Variants in FBXL7 observed in about 807,000 individuals in gnomAD.
The protein encoded by FBXL7 is F-box and leucine rich repeat protein 7.
A neutral mutation model predicts 38.3 loss-of-function variants in FBXL7; 12 were observed. The observed-to-expected ratio is 0.31, with a 90% confidence interval of 0.20 to 0.51. FBXL7 has a LOEUF of 0.51. Ranked by LOEUF, FBXL7 falls within the 20% of genes least tolerant of loss-of-function variation. FBXL7 has a pLI of 0.98. For missense variants in FBXL7, 567 were observed against 676.4 expected, an observed-to-expected ratio of 0.84 and a Z score of 1.79; for synonymous variants, 297 against 300.9, an observed-to-expected ratio of 0.99 and a Z score of 0.13.
chr5:15,784,116 A>C (rs1737072945), intron 2 of FBXL7, among the ~76,000 whole-genome samples: 1 of 152,106 alleles, frequency 6.6e-6, no homozygotes, highest in African/African-American at 2.4e-5. Context: ...AGTAGTTATT[A>C]CCATTGCTTT....
intron 2 of FBXL7, among the ~76,000 whole-genome samples, chr5:15,689,406 G>C (rs1743116566): frequency 6.6e-6 from 1 of 151,788 alleles, no homozygotes; most frequent in Non-Finnish European, 1.5e-5. Flanking sequence ...CAGGTTCACT[G>C]TCTCTTAAGT....
chr5:15,622,941 G>GTGATCCCAGCA (rs1740701956), intron 2 of FBXL7, among the ~76,000 whole-genome samples: 1 of 152,154 alleles, frequency 6.6e-6, no homozygotes. Context: ...ATGACCTCAA[G>GTGATCCCAGCA]TGATCCCCCC....
intron 1 of FBXL7, among the ~76,000 whole-genome samples, chr5:15,611,185 G>A (rs1211458319): frequency 1.3e-5 from 2 of 152,120 alleles, no homozygotes. Flanking sequence ...TACATGCAGA[G>A]TGGTGAAAAA....
intron 2 of FBXL7, among the ~76,000 whole-genome samples, chr5:15,907,724 C>A (rs1241998697): frequency 1.1e-5 from 1 of 93,136 alleles, no homozygotes; most frequent in South Asian, 4.4e-4. Context: ...CCAGTTTCAG[C>A]TTTCTACATA....
chr5:15,891,986 C>T (rs994626553), intron 2 of FBXL7, among the ~76,000 whole-genome samples: 1 of 152,172 alleles, frequency 6.6e-6, no homozygotes, highest in South Asian at 2.1e-4. Flanking sequence ...AGGGAACAGC[C>T]CCAGGTTGCA....
rs143305473 is a variant in FBXL7, at chr5:15,905,604, TAAC to T, written c.128-22274_128-22272del. ...TATTTAAAAACCAAACAAACAAATG[TAAC>T]AACAACAACAAAATCTTGAAGAAAG... On this transcript the variant is annotated intron_variant, in intron 2 of 3. Transcript: ENST00000504595. Among the ~76,000 whole-genome samples the T allele has an allele frequency of 7.9e-3, 1,204 of 152,184 alleles. 14 individuals are homozygous for T. Among genetic ancestry groups the T allele is most frequent in the Non-Finnish European group, 0.013 (853 of 67,988 alleles).
intron 2 of FBXL7, among the ~76,000 whole-genome samples, chr5:15,873,555 A>G (rs1740064856): frequency 6.6e-6 from 1 of 152,186 alleles, no homozygotes; most frequent in African/African-American, 2.4e-5. Context: ...AGAATCAAAT[A>G]TACACAATAA....
intron 2 of FBXL7, among the ~76,000 whole-genome samples, chr5:15,832,600 G>A (rs2126775350): frequency 6.6e-6 from 1 of 152,288 alleles, no homozygotes; most frequent in East Asian, 1.9e-4. Flanking sequence ...GTGGCTATCA[G>A]TAGAAGAAGG....
chr5:15,599,615 T>C (rs970357534), intron 1 of FBXL7, among the ~76,000 whole-genome samples: 1 of 152,080 alleles, frequency 6.6e-6, no homozygotes, highest in African/African-American at 2.4e-5. Flanking sequence ...TTGAAGATGA[T>C]CTCCTCCAGT....
chr5:15,776,877 G>A (rs1051402628), intron 2 of FBXL7, among the ~76,000 whole-genome samples: 1 of 151,784 alleles, frequency 6.6e-6, no homozygotes, highest in African/African-American at 2.4e-5. Context: ...CCATCAATTG[G>A]GAGTTTTAAT....
At chr5:15,501,278 A>G (rs1455184433) in intron 1 of FBXL7, among the ~76,000 whole-genome samples, 2 of 152,082 alleles carry the variant, frequency 1.3e-5, no homozygotes, top group South Asian at 2.1e-4. Context: ...GAGACGGGCA[A>G]AGGACCATCT....
intron 2 of FBXL7, among the ~76,000 whole-genome samples, chr5:15,662,079 C>T (rs1377187823): frequency 6.6e-6 from 1 of 152,108 alleles, no homozygotes; most frequent in Non-Finnish European, 1.5e-5. Context: ...AATGGTAGTT[C>T]TGCTTTTAGG....
chr5:15,815,292 A>G (rs1344781566), intron 2 of FBXL7, among the ~76,000 whole-genome samples: 1 of 152,182 alleles, frequency 6.6e-6, no homozygotes. Context: ...GGAAACACAA[A>G]TGTACAACTT....
chr5:15,552,914 T>G (rs1252726330), intron 1 of FBXL7, among the ~76,000 whole-genome samples: 3 of 151,922 alleles, frequency 2.0e-5, no homozygotes, highest in Middle Eastern at 3.2e-3. Flanking sequence ...AAACCTTATC[T>G]CTACTAAAAA....
chr5:15,693,519 C>T (rs1280218046), intron 2 of FBXL7, among the ~76,000 whole-genome samples: 2 of 152,152 alleles, frequency 1.3e-5, no homozygotes, highest in African/African-American at 4.8e-5. Flanking sequence ...GGCAAGGGCT[C>T]CACCCTCAGG....
intron 1 of FBXL7, among the ~76,000 whole-genome samples, chr5:15,559,814 A>G (rs1466326970): frequency 6.6e-6 from 1 of 152,216 alleles, no homozygotes; most frequent in East Asian, 1.9e-4. Context: ...AAGAGTCAGA[A>G]TCAGTACTGA....
intron 2 of FBXL7, among the ~76,000 whole-genome samples, chr5:15,721,074 C>T (rs1331818765): frequency 1.3e-5 from 2 of 151,978 alleles, no homozygotes; most frequent in South Asian, 2.1e-4. Flanking sequence ...TGCAATTTTG[C>T]TCTTAGGATA....
chr5:15,537,384 C>A (rs1363835389), intron 1 of FBXL7, among the ~76,000 whole-genome samples: 8 of 152,152 alleles, frequency 5.3e-5, no homozygotes, highest in Non-Finnish European at 1.2e-4. Context: ...AGACTCCAGA[C>A]CAAATACAGA....
At position 15,707,848 on chromosome 5, in the gene FBXL7, A is replaced by G. The variant is rs575971343; in HGVS notation, c.127+91776A>G. 2.6e-5 allele frequency among the ~76,000 whole-genome samples: 4 copies of G among 152,192 alleles called. No individual in the cohort carries two copies. The East Asian group carries it at 7.8e-4, about 30-fold the overall frequency. ...ACTGGAGATCCTGCTTGACCACGTG[A>G]GAATGTACAAGTAGCCAAAGCTAGG... is the stretch of plus-strand genomic sequence containing the variant. On this transcript the variant is annotated intron_variant, in intron 2 of 3. Transcript: ENST00000504595.
Sources: allele counts gnomAD v4.1 joint callset (sites outside exome capture counted in the v4.1 genomes callset), GRCh38; gene constraint gnomAD v4.1.1; transcripts MANE v1.5; gene names NCBI Gene and HGNC (gene_info 2026-07-23, HGNC 2026-07-21).